Variants in CD99L2 observed in about 807,000 individuals in gnomAD.
The protein encoded by CD99L2 is CD99 molecule like 2.
A neutral mutation model predicts 27.3 loss-of-function variants in CD99L2; 24 were observed. That is an observed-to-expected ratio of 0.88 (90% CI 0.64 to 1.24). The LOEUF (loss-of-function observed/expected upper bound fraction) is 1.24, where lower values mean the gene tolerates loss of function less well. Among genes scored for constraint, CD99L2 ranks in the 50% most tolerant of loss-of-function variants. CD99L2 has a pLI of 0.00. For synonymous variants in CD99L2, 97 were observed against 87.9 expected, an observed-to-expected ratio of 1.10 and a Z score of -0.58; for missense variants, 255 against 221.6, an observed-to-expected ratio of 1.15 and a Z score of -0.96.
intron 1 of CD99L2, among the ~76,000 whole-genome samples, chrX:150,894,650 C>T (rs937802024): frequency 9.1e-6 from 1 of 110,490 alleles, no homozygotes; most frequent in Non-Finnish European, 1.9e-5. Context: ...TGCAGTGGTG[C>T]GATCTTGGCT....
chrX:150,840,433 CAG>C (rs2124266257), intron 1 of CD99L2, among the ~76,000 whole-genome samples: 1 of 105,170 alleles, frequency 9.5e-6, no homozygotes, highest in Non-Finnish European at 1.9e-5. Context: ...TTTTTTGAGA[CAG>C]GGTCTGGCTC....
At chrX:150,778,333 G>C (rs1326886600) in intron 7 of CD99L2, among the ~76,000 whole-genome samples, 1 of 110,005 alleles carries the variant, frequency 9.1e-6, no homozygotes, top group African/African-American at 3.3e-5. Flanking sequence ...TGTGTTCCCA[G>C]AGCCCGGGGT....
chrX:150,805,037 CAAAATA>C (rs1348674165), intron 4 of CD99L2, among the ~76,000 whole-genome samples: 2 of 110,997 alleles, frequency 1.8e-5, no homozygotes, highest in African/African-American at 6.6e-5. Context: ...TTAAATAAAA[CAAAATA>C]AAAATAAAAC....
chrX:150,854,878 A>G (rs1251212314), intron 1 of CD99L2, among the ~76,000 whole-genome samples: 5 of 110,840 alleles, frequency 4.5e-5, no homozygotes, highest in East Asian at 5.7e-4. Flanking sequence ...CATAGCCTTC[A>G]TGGCTCCCTG....
chrX:150,889,097 T>G (rs1338949990), intron 1 of CD99L2, among the ~76,000 whole-genome samples: 1 of 112,967 alleles, frequency 8.9e-6, no homozygotes, highest in Non-Finnish European at 1.9e-5. Context: ...GTGTGTCTTT[T>G]AAGATACATG....
chrX:150,770,789 G>A (rs782054732), intron 9 of CD99L2, among the ~76,000 whole-genome samples: 1 of 112,429 alleles, frequency 8.9e-6, no homozygotes, highest in East Asian at 2.8e-4. Context: ...GGGCAGGGAG[G>A]GGCGGATGGC....
At chrX:150,884,206 C>T (rs1345015822) in intron 1 of CD99L2, among the ~76,000 whole-genome samples, 1 of 111,894 alleles carries the variant, frequency 8.9e-6, no homozygotes, top group Non-Finnish European at 1.9e-5. Flanking sequence ...GTATCAGTGA[C>T]TGCTATTGAT....
intron 1 of CD99L2, among the ~76,000 whole-genome samples, chrX:150,844,144 T>C (rs2046664692): frequency 8.9e-6 from 1 of 112,156 alleles, no homozygotes; most frequent in Non-Finnish European, 1.9e-5. Context: ...TGATTCAACT[T>C]GAAATGAGCC....
At chrX:150,883,194 A>G (rs1336116982) in intron 1 of CD99L2, among the ~76,000 whole-genome samples, 1 of 111,724 alleles carries the variant, frequency 9.0e-6, no homozygotes, top group Non-Finnish European at 1.9e-5. Flanking sequence ...CATCTCAAAA[A>G]CAAAAACAAA....
At chrX:150,894,814 CCT>C (rs1364153093) in intron 1 of CD99L2, among the ~76,000 whole-genome samples, 1 of 110,780 alleles carries the variant, frequency 9.0e-6, no homozygotes, top group Admixed American at 9.7e-5. Flanking sequence ...GTCTCGAACT[CCT>C]GAGCTCAAGT....
At chrX:150,857,316 A>G (rs1449818919) in intron 1 of CD99L2, among the ~76,000 whole-genome samples, 1 of 111,351 alleles carries the variant, frequency 9.0e-6, no homozygotes, top group Non-Finnish European at 1.9e-5. Flanking sequence ...GCACATTATA[A>G]TCAGAATGTC....
At chrX:150,800,415 AC>A (rs1387503314) in intron 4 of CD99L2, among the ~76,000 whole-genome samples, 2 of 112,200 alleles carry the variant, frequency 1.8e-5, no homozygotes, top group South Asian at 3.7e-4. Context: ...AGAACAAAAA[AC>A]AAAAAATAAT....
At chrX:150,887,658 C>T (rs782436608) in intron 1 of CD99L2, among the ~76,000 whole-genome samples, 14 of 110,077 alleles carry the variant, frequency 1.3e-4, no homozygotes, top group East Asian at 5.7e-4. Context: ...GCCTCCCTCA[C>T]GGAGAAAGCC....
intron 1 of CD99L2, among the ~76,000 whole-genome samples, chrX:150,868,845 T>C (rs1557422119): frequency 8.9e-6 from 1 of 111,765 alleles, no homozygotes; most frequent in African/African-American, 3.3e-5. Context: ...TTGAATAGAA[T>C]CCATGGAAGC....
chrX:150,872,542 TAAA>T (rs782797816), intron 1 of CD99L2, among the ~76,000 whole-genome samples: 3 of 83,988 alleles, frequency 3.6e-5, no homozygotes, highest in Non-Finnish European at 6.9e-5. Flanking sequence ...CTCAATATGT[TAAA>T]AAAAAAAAAA....
At chrX:150,836,840 A>G (rs984067208) in intron 1 of CD99L2, among the ~76,000 whole-genome samples, 15 of 111,871 alleles carry the variant, frequency 1.3e-4, no homozygotes, top group African/African-American at 4.9e-4. Flanking sequence ...TGAATACTGT[A>G]GGCAACTATA....
At chrX:150,888,210 TCAAA>T (rs782096805) in intron 1 of CD99L2, among the ~76,000 whole-genome samples, 284 of 111,710 alleles carry the variant, frequency 2.5e-3, no homozygotes, top group African/African-American at 8.2e-3. Context: ...AAACAGTTGT[TCAAA>T]CAAAGACTTG....
At chrX:150,790,433 T>A (rs1373911952) in intron 7 of CD99L2, among the ~76,000 whole-genome samples, 1 of 110,900 alleles carries the variant, frequency 9.0e-6, no homozygotes, top group Non-Finnish European at 1.9e-5. Context: ...CAAATGAATC[T>A]AACTCCATTA....
At chrX:150,816,266 G>C (rs2046153953) in intron 2 of CD99L2, 188 bp from the exon 3 acceptor site, 1 of 435,760 alleles carries the variant, frequency 2.3e-6, no homozygotes, top group South Asian at 3.4e-5. Context: ...TAAATGAGAA[G>C]AGTTCTGCTC....
Sources: allele counts gnomAD v4.1 joint callset (sites outside exome capture counted in the v4.1 genomes callset), GRCh38; gene constraint gnomAD v4.1.1; transcripts MANE v1.5; gene names NCBI Gene and HGNC (gene_info 2026-07-23, HGNC 2026-07-21).